Variants in PCDH15 observed in about 807,000 individuals in gnomAD.
PCDH15 encodes protocadherin-15.
PCDH15 carries 129 observed loss-of-function variants against 178.5 expected under a neutral mutation model. The ratio of observed to expected loss-of-function variants is 0.72; its 90% CI spans 0.63 to 0.84. The LOEUF is 0.84. PCDH15 is among the 40% of genes least tolerant of loss of function. The pLI, the probability that PCDH15 is intolerant of heterozygous loss-of-function variation, is 0.00. For missense variants in PCDH15, 2,230 were observed against 2,099.9 expected, an observed-to-expected ratio of 1.06 and a Z score of -1.21; for synonymous variants, 800 against 732.0, an observed-to-expected ratio of 1.09 and a Z score of -1.50.
intron 2 of PCDH15, among the ~76,000 whole-genome samples, chr10:54,531,781 C>T (rs2083953491): frequency 6.6e-6 from 1 of 152,116 alleles, no homozygotes. Flanking sequence ...GAGCCTGGGT[C>T]CCATTTGCCC....
At chr10:54,223,207 G>A (rs2053046672) in intron 9 of PCDH15, among the ~76,000 whole-genome samples, 1 of 151,226 alleles carries the variant, frequency 6.6e-6, no homozygotes, top group Admixed American at 6.6e-5. Context: ...GTACTCGAGA[G>A]GCTGAGGGAG....
chr10:54,642,874 C>T (rs760957553), intron 2 of PCDH15, among the ~76,000 whole-genome samples: 7 of 152,012 alleles, frequency 4.6e-5, no homozygotes, highest in South Asian at 2.1e-4. Context: ...TCTTTATAAA[C>T]GTCTGTTGTA....
At chr10:55,134,299 T>A (rs1838133313) in intron 2 of PCDH15, among the ~76,000 whole-genome samples, 1 of 152,200 alleles carries the variant, frequency 6.6e-6, no homozygotes, top group Non-Finnish European at 1.5e-5. Flanking sequence ...CACAGCTAAT[T>A]ATCTCTGCTA....
At chr10:55,443,434 G>GA (rs910080013) in intron 2 of PCDH15, among the ~76,000 whole-genome samples, 5 of 151,498 alleles carry the variant, frequency 3.3e-5, no homozygotes, top group Non-Finnish European at 5.9e-5. Flanking sequence ...AAATTTACAA[G>GA]AAAAAAAACC....
chr10:55,068,035 A>C (rs987261070), intron 2 of PCDH15, among the ~76,000 whole-genome samples: 1 of 152,028 alleles, frequency 6.6e-6, no homozygotes, highest in Admixed American at 6.6e-5. Context: ...TATATTTAAA[A>C]AGTTGTCTCT....
At chr10:55,191,169 A>G (rs966717458) in intron 1 of PCDH15, among the ~76,000 whole-genome samples, 1 of 151,510 alleles carries the variant, frequency 6.6e-6, no homozygotes, top group Admixed American at 6.6e-5. Context: ...AGAGACTCTG[A>G]TTTTCAGTCC....
At position 54,395,448 on chromosome 10, in the gene PCDH15, A is replaced by C. The variant is rs73249943; in HGVS notation, c.158-16506T>G. 9.1e-3 allele frequency among the ~76,000 whole-genome samples: 1,313 copies of C among 144,154 alleles called. 19 individuals are homozygous for C. Among genetic ancestry groups the C allele is most frequent in the African/African-American group, 0.034 (1,185 of 34,560 alleles). The allele number at this position is 144,154 out of a possible 152,430, so 94.6% of individuals were successfully genotyped here. On this transcript the variant is annotated intron_variant, in intron 3 of 37. Transcript: ENST00000644397. ...ATGTATTACACACACACACACACAC[A>C]CCCACATTAAGAACCCACTAAATAT...
At chr10:55,190,677 T>C (rs1321101081) in intron 1 of PCDH15, among the ~76,000 whole-genome samples, 2 of 151,650 alleles carry the variant, frequency 1.3e-5, no homozygotes, top group Admixed American at 6.6e-5. Context: ...TGCACATCAA[T>C]AAAATATTAC....
At chr10:54,307,243 T>G (rs1465538766) in intron 8 of PCDH15, among the ~76,000 whole-genome samples, 5 of 146,692 alleles carry the variant, frequency 3.4e-5, no homozygotes, top group Admixed American at 2.1e-4. Flanking sequence ...ATTGAGGATT[T>G]CTGATTTTTA....
chr10:55,047,635 G>A (rs1255008474), intron 2 of PCDH15, among the ~76,000 whole-genome samples: 1 of 151,768 alleles, frequency 6.6e-6, no homozygotes, highest in East Asian at 1.9e-4. Flanking sequence ...TACTTTAAGA[G>A]GTTTGAGTAG....
At chr10:54,660,444 AATGAGTT>A (rs1232642220) in intron 2 of PCDH15, among the ~76,000 whole-genome samples, 1 of 152,134 alleles carries the variant, frequency 6.6e-6, no homozygotes, top group African/African-American at 2.4e-5. Flanking sequence ...AGAGACATAT[AATGAGTT>A]ATGAAATTGA....
chr10:55,125,494 C>A (rs1001217942), intron 2 of PCDH15, among the ~76,000 whole-genome samples: 2 of 151,932 alleles, frequency 1.3e-5, no homozygotes, highest in African/African-American at 4.8e-5. Context: ...GTAAGGGATC[C>A]CATTGGTATA....
rs2077626365 is a variant in PCDH15 at position 53,841,281 on chromosome 10, T to C, written c.3807-785A>G. Among the ~76,000 whole-genome samples the C allele has an allele frequency of 3.9e-5, 6 of 152,242 alleles. No homozygotes were observed. The South Asian group carries it at 1.0e-3, about 26-fold the overall frequency. Reference sequence around the variant, plus strand: ...AATATTAAGAGCATATAATTCAGTATTTACAGATGTTTAAATTTAAATAAT... The same window carrying C: ...AATATTAAGAGCATATAATTCAGTACTTACAGATGTTTAAATTTAAATAAT... On this transcript the variant is annotated intron_variant, in intron 28 of 37. Transcript: ENST00000644397.
intron 2 of PCDH15, among the ~76,000 whole-genome samples, chr10:55,510,946 A>T (rs1840869558): frequency 6.6e-6 from 1 of 151,286 alleles, no homozygotes; most frequent in African/African-American, 2.4e-5. Context: ...CTAAAGCCTC[A>T]ATCTCCTGGG....
In PCDH15 at chr10:53,805,367, AAC is replaced by A. The variant is rs1198662449; in HGVS notation, c.*1210_*1211del. ...TTTTTACATCATCTGGAAAATAAGCAACACACAAGGCAAGTTTTTTAAAGGAT... is the reference window on the plus strand; with the variant it reads ...TTTTTACATCATCTGGAAAATAAGCAACACAAGGCAAGTTTTTTAAAGGAT... On this transcript the variant is annotated 3_prime_UTR_variant, in exon 38 of 38. Transcript: ENST00000644397. The A allele has an allele frequency of 6.6e-6, 1 of 152,030 alleles. No individual in the cohort carries two copies. Among genetic ancestry groups the A allele is most frequent in the African/African-American group, 2.4e-5 (1 of 41,418 alleles). 9.4% of individuals were successfully genotyped at this position (152,030 alleles called of 1,614,324 possible). A position where few individuals can be genotyped will look rare whatever the true frequency, so the allele number is the denominator to read the frequency against.
intron 27 of PCDH15, among the ~76,000 whole-genome samples, chr10:53,863,828 G>T (rs2133119933): frequency 6.6e-6 from 1 of 152,280 alleles, no homozygotes; most frequent in Non-Finnish European, 1.5e-5. Flanking sequence ...ACAGGCTTTA[G>T]ATAAAAACAG....
chr10:55,095,331 ATAAAAT>A (rs1300247658), intron 2 of PCDH15, among the ~76,000 whole-genome samples: 1 of 152,008 alleles, frequency 6.6e-6, no homozygotes, highest in East Asian at 1.9e-4. Flanking sequence ...ATATTAAAAA[ATAAAAT>A]TAAAGTGTTA....
intron 2 of PCDH15, among the ~76,000 whole-genome samples, chr10:55,519,368 G>A (rs1430035951): frequency 2.0e-5 from 3 of 151,686 alleles, no homozygotes; most frequent in African/African-American, 7.3e-5. Flanking sequence ...TTACAGAAAT[G>A]GAGAACAAAT....
At chr10:54,630,105 T>C (rs1045729537) in intron 2 of PCDH15, among the ~76,000 whole-genome samples, 3 of 150,682 alleles carry the variant, frequency 2.0e-5, no homozygotes, top group African/African-American at 7.4e-5. Context: ...AATGGGAAAA[T>C]GTTCCATGCT....
Sources: allele counts gnomAD v4.1 joint callset (sites outside exome capture counted in the v4.1 genomes callset), GRCh38; gene constraint gnomAD v4.1.1; transcripts MANE v1.5; gene names NCBI Gene and HGNC (gene_info 2026-07-23, HGNC 2026-07-21).